The following WDR12 variants were observed in gnomAD, a reference collection of about 807,000 sequenced individuals.
WDR12 encodes the protein WD repeat domain 12.
In WDR12, 42 loss-of-function variants were observed where a neutral mutation model predicts 64.3. That is an observed-to-expected ratio of 0.65 (90% CI 0.51 to 0.84). The LOEUF (loss-of-function observed/expected upper bound fraction) is 0.84. Ranked by LOEUF, WDR12 falls within the 40% of genes least tolerant of loss-of-function variation. The pLI is 0.00. For synonymous variants in WDR12, 158 were observed against 173.3 expected, an observed-to-expected ratio of 0.91 and a Z score of 0.70; for missense variants, 469 against 494.6, an observed-to-expected ratio of 0.95 and a Z score of 0.49.
rs979982360 is a variant in WDR12 at position 202,879,003 on chromosome 2, G to A, written c.*1857C>T. ...CTAATCTACACATGAGGAAAGATTA[G>A]GGTTACAGTGAAAACTGTATGCAAT... On this transcript the variant is annotated 3_prime_UTR_variant, in exon 13 of 13. Coordinates refer to ENST00000261015, the MANE Select transcript of WDR12 (RefSeq NM_018256.4). The A allele has an allele frequency of 6.6e-6, 1 of 152,150 alleles. No individual in the cohort carries two copies. The highest frequency in any genetic ancestry group is 2.4e-5 in the African/African-American group (1 of 41,434). 9.4% of individuals were successfully genotyped at this position (152,150 alleles called of 1,614,324 possible). A position where few individuals can be genotyped will look rare whatever the true frequency, so the allele number is the denominator to read the frequency against.
intron 8 of WDR12, among the ~76,000 whole-genome samples, chr2:202,890,384 T>A (rs78499491): frequency 0.062 from 9,514 of 152,264 alleles, 386 homozygotes; most frequent in East Asian, 0.09. Flanking sequence ...GAGCTACTGG[T>A]TGAGAGGCAG....
At chr2:202,895,115 T>A (rs558760833) in intron 6 of WDR12, among the ~76,000 whole-genome samples, 15 of 152,344 alleles carry the variant, frequency 9.8e-5, no homozygotes, top group African/African-American at 3.6e-4. Context: ...ACTTTTCGGC[T>A]CAATATGAAA....
Position 202,875,097 on chromosome 2 carries a change from G to A in WDR12, c.*5763C>T, listed in dbSNP as rs1462157107. On this transcript the variant is annotated 3_prime_UTR_variant, in exon 13 of 13. Coordinates refer to ENST00000261015, the MANE Select transcript of WDR12 (RefSeq NM_018256.4). ...GTATGTCGCACAGCTCCATTAATTG[G>A]TTACATACCTTCACACTAGGTACTT... 5 of 152,196 alleles carry A rather than the reference G, an allele frequency of 3.3e-5. No homozygotes were observed. The East Asian group carries it at 9.6e-4, about 29-fold the overall frequency. 9.4% of individuals were successfully genotyped at this position (152,196 alleles called of 1,614,324 possible). A position where few individuals can be genotyped will look rare whatever the true frequency, so the allele number is the denominator to read the frequency against.
At chr2:202,887,400 A>G (rs1214331861) in intron 8 of WDR12, among the ~76,000 whole-genome samples, 1 of 152,188 alleles carries the variant, frequency 6.6e-6, no homozygotes, top group African/African-American at 2.4e-5. Flanking sequence ...TAGCACAAAA[A>G]TAGGTGACAG....
In WDR12 at chr2:202,876,158, G is replaced by A. The variant is rs982381570; in HGVS notation, c.*4702C>T. ...TAATCTTAGCACTTTTGAGGCCAAGGTGAGATGATTGCTTGAGGTCAGGAG... is the reference window on the plus strand; with the variant it reads ...TAATCTTAGCACTTTTGAGGCCAAGATGAGATGATTGCTTGAGGTCAGGAG... On this transcript the variant is annotated 3_prime_UTR_variant, in exon 13 of 13. Transcript: ENST00000261015. 1 of 152,200 alleles carries A rather than the reference G, an allele frequency of 6.6e-6. No individual in the cohort carries two copies. Among genetic ancestry groups the A allele is most frequent in the Non-Finnish European group, 1.5e-5 (1 of 68,070 alleles). 9.4% of individuals were successfully genotyped at this position (152,200 alleles called of 1,614,324 possible).
Position 202,879,023 on chromosome 2 carries a change from T to C in WDR12, c.*1837A>G, listed in dbSNP as rs1687906919. 6.6e-6 allele frequency: 1 copy of C among 152,222 alleles called. No homozygotes were observed. Among genetic ancestry groups the C allele is most frequent in the Non-Finnish European group, 1.5e-5 (1 of 68,058 alleles). 9.4% of individuals were successfully genotyped at this position (152,222 alleles called of 1,614,324 possible). A position where few individuals can be genotyped will look rare whatever the true frequency, so the allele number is the denominator to read the frequency against. ...GATTAGGGTTACAGTGAAAACTGTA[T>C]GCAATGCAATTTTTTATTTTTTTTT... On this transcript the variant is annotated 3_prime_UTR_variant, in exon 13 of 13. Transcript: ENST00000261015.
intron 11 of WDR12, among the ~76,000 whole-genome samples, chr2:202,883,066 A>C (rs749488083): frequency 2.6e-5 from 4 of 152,182 alleles, no homozygotes; most frequent in Non-Finnish European, 4.4e-5. Flanking sequence ...TGACTACTTT[A>C]ACCCCCAAAC....
intron 2 of WDR12, among the ~76,000 whole-genome samples, chr2:202,906,797 A>T (rs902120486): frequency 6.6e-6 from 1 of 152,162 alleles, no homozygotes; most frequent in African/African-American, 2.4e-5. Context: ...TTTCATGTTT[A>T]AATTTTCTCT....
chr2:202,891,679 GAATT>G (rs1415608308), intron 8 of WDR12, among the ~76,000 whole-genome samples: 4 of 152,118 alleles, frequency 2.6e-5, no homozygotes, highest in African/African-American at 9.7e-5. Flanking sequence ...GTGACTATAA[GAATT>G]AATGTGCAAA....
chr2:202,909,696 T>G (rs886851184), intron 1 of WDR12, among the ~76,000 whole-genome samples: 5 of 151,898 alleles, frequency 3.3e-5, no homozygotes, highest in Non-Finnish European at 5.9e-5. Context: ...ATGTATATTC[T>G]TGTGTGTGTG....
At position 202,901,028 on chromosome 2, in the gene WDR12, T is replaced by A. The variant is rs755249516; in HGVS notation, c.228A>T (p.Ser76=). 6.3e-7 allele frequency: 1 copy of A among 1,584,834 alleles called. No individual in the cohort carries two copies. The highest frequency in any genetic ancestry group is 1.7e-5 in the Admixed American group (1 of 59,096). The change falls in exon 3 of 13, where the codon TCA becomes TCT. Residue 76 remains serine (S), a synonymous_variant. Transcript: ENST00000261015. ...LDKHMEMENI[S]SEEVVEIEYV... is the part of the protein sequence containing the mutation. ...GAAGATAAGAATTTGAACTTACTGA[T>A]GAGATGTTCTCCATTTCCATGTGTT...
rs762409792 is a variant in WDR12, at chr2:202,899,581, T to C, written c.288A>G (p.Gln96=). The change falls in exon 4 of 13, where the codon CAA becomes CAG. Residue 96 remains glutamine, a synonymous_variant. Transcript: ENST00000261015. The part of the protein sequence containing the change: ...VEKYTAPQPE[Q]CMFHDDWISS... ...TGATCCAGTCATCATGGAACATGCA[T>C]TGCTCTGGCTGGGGTGCAGTATACT... 7 of 1,614,076 alleles carry C rather than the reference T, an allele frequency of 4.3e-6. No individual in the cohort carries two copies. The African/African-American group carries it at 5.3e-5, about 12-fold the overall frequency.
At chr2:202,903,121 ATCTAT>A (rs934158872) in intron 2 of WDR12, among the ~76,000 whole-genome samples, 6 of 152,066 alleles carry the variant, frequency 3.9e-5, no homozygotes, top group African/African-American at 1.4e-4. Context: ...TCATATATAC[ATCTAT>A]TCTATTAGTC....
At chr2:202,908,450 A>G (rs1688502154) in intron 1 of WDR12, among the ~76,000 whole-genome samples, 1 of 152,118 alleles carries the variant, frequency 6.6e-6, no homozygotes, top group Non-Finnish European at 1.5e-5. Flanking sequence ...ACACAGCAAG[A>G]CCCTGTCTCA....
At chr2:202,902,860 A>G (rs1483210340) in intron 2 of WDR12, among the ~76,000 whole-genome samples, 5 of 152,144 alleles carry the variant, frequency 3.3e-5, no homozygotes, top group African/African-American at 9.7e-5. Context: ...GTACTTTGGG[A>G]GGCCAAGAGT....
intron 12 of WDR12, among the ~76,000 whole-genome samples, chr2:202,881,522 T>C (rs539250792): frequency 1.3e-5 from 2 of 152,302 alleles, no homozygotes; most frequent in Non-Finnish European, 2.9e-5. Flanking sequence ...GGCTCACACC[T>C]GTAATTCTAA....
chr2:202,881,023 A>C, intron 12 of WDR12, 86 bp from the exon 13 acceptor site: 4 of 1,190,578 alleles, frequency 3.4e-6, no homozygotes, highest in Non-Finnish European at 4.6e-6. Context: ...AATACTAATG[A>C]TTTTCATTAC....
intron 8 of WDR12, among the ~76,000 whole-genome samples, chr2:202,886,785 A>AT (rs1688056433): frequency 6.6e-6 from 1 of 151,720 alleles, no homozygotes; most frequent in African/African-American, 2.4e-5. Flanking sequence ...AAAAAAAAAA[A>AT]AAGAGGAAAA....
intron 8 of WDR12, among the ~76,000 whole-genome samples, chr2:202,888,308 G>A (rs1688087606): frequency 6.6e-6 from 1 of 152,210 alleles, no homozygotes. Context: ...GAGGTGGGAG[G>A]AAAGTTGACA....
Sources: allele counts gnomAD v4.1 joint callset (sites outside exome capture counted in the v4.1 genomes callset), GRCh38; gene constraint gnomAD v4.1.1; transcripts MANE v1.5; gene names NCBI Gene and HGNC (gene_info 2026-07-23, HGNC 2026-07-21).